Variants in NONO observed in about 807,000 individuals in gnomAD.
The protein encoded by NONO is non-POU domain-containing octamer-binding protein.
Under a neutral mutation model 40.2 loss-of-function variants are expected in NONO, and 6 were observed. That is an observed-to-expected ratio of 0.15 (90% CI 0.08 to 0.29). NONO has a LOEUF of 0.29. Among genes scored for constraint, NONO ranks in the 10% least tolerant of loss-of-function variants. NONO has a pLI of 1.00. For synonymous variants in NONO, 89 were observed against 123.3 expected (o/e 0.72, Z 1.85); for missense variants, 133 against 397.8 (o/e 0.33, Z 5.66).
intron 2 of NONO, among the ~76,000 whole-genome samples, chrX:71,288,319 TCTAA>T (rs1212260446): frequency 9.1e-6 from 1 of 109,829 alleles, no homozygotes; most frequent in African/African-American, 3.3e-5. Flanking sequence ...CAGGCTGGTC[TCTAA>T]CTACTGGGCC....
chrX:71,294,904 G>T (rs1336073380), intron 5 of NONO, among the ~76,000 whole-genome samples: 1 of 105,009 alleles, frequency 9.5e-6, no homozygotes, highest in African/African-American at 3.5e-5. Context: ...GGGCAACAGA[G>T]TGAAACTGCC....
At chrX:71,295,597 C>T (rs1039244761) in intron 5 of NONO, among the ~76,000 whole-genome samples, 53 of 110,099 alleles carry the variant, frequency 4.8e-4, no homozygotes, top group African/African-American at 1.7e-3. Context: ...TTGAGACCAG[C>T]CTGGCCAAGG....
At position 71,296,431 on chromosome X, in the gene NONO, A is replaced by T. The variant is rs1432669944; in HGVS notation, c.651-134A>T. On this transcript the variant is annotated intron_variant, in intron 5 of 11. Coordinates refer to ENST00000276079, the MANE Select transcript of NONO (RefSeq NM_007363.5). Reference sequence around the variant, plus strand: ...CCAGCCCAACCCCAAATTTTTTATAATGTCATTAGGTATAAAAACTTCAGA... The same window carrying T: ...CCAGCCCAACCCCAAATTTTTTATATTGTCATTAGGTATAAAAACTTCAGA... 1.1e-5 allele frequency: 5 copies of T among 451,693 alleles called. No homozygotes were observed. The Admixed American group carries it at 2.4e-4, about 22-fold the overall frequency. 37.2% of individuals were successfully genotyped at this position (451,693 alleles called of 1,213,427 possible).
At chrX:71,284,785 T>C (rs975653359) in intron 2 of NONO, among the ~76,000 whole-genome samples, 3 of 112,057 alleles carry the variant, frequency 2.7e-5, no homozygotes, top group African/African-American at 6.5e-5. Context: ...ATACCAGATT[T>C]AGATTTCAGA....
At chrX:71,284,064 T>C (rs992871877) in intron 1 of NONO, 1 of 111,862 alleles carries the variant, frequency 8.9e-6, no homozygotes, top group African/African-American at 3.3e-5. Context: ...AAGTCGTGGT[T>C]GGTTAGAGGA....
intron 2 of NONO, among the ~76,000 whole-genome samples, chrX:71,288,752 A>T (rs2031257069): frequency 8.9e-6 from 1 of 112,834 alleles, no homozygotes; most frequent in Non-Finnish European, 1.9e-5. Flanking sequence ...TGTAATTAAT[A>T]AATATTTAGA....
chrX:71,293,852 G>A (rs781318644), intron 4 of NONO, among the ~76,000 whole-genome samples: 4 of 110,959 alleles, frequency 3.6e-5, no homozygotes, highest in Non-Finnish European at 7.6e-5. Context: ...GGATGATCTC[G>A]ATCTCCTGAC....
Position 71,297,825 on chromosome X carries a change from ACT to A in NONO, c.1029-6_1029-5del, listed in dbSNP as rs754437773. The A allele has an allele frequency of 1.7e-4, 205 of 1,184,582 alleles. No individual in the cohort carries two copies. Among genetic ancestry groups the A allele is most frequent in the Non-Finnish European group, 2.3e-4 (198 of 873,569 alleles). ...TGCCTCTGTCTTAAATACATTGGTG[ACT>A]CTCTGTAGGCAGGAGGAAGAGCGCA... On this transcript the variant is annotated splice_polypyrimidine_tract_variant and intron_variant, in intron 8 of 11. Coordinates refer to ENST00000276079, the MANE Select transcript of NONO (RefSeq NM_007363.5).
chrX:71,286,583 A>T (rs2148027301), intron 2 of NONO, among the ~76,000 whole-genome samples: 1 of 111,859 alleles, frequency 8.9e-6, no homozygotes, highest in South Asian at 3.7e-4. Context: ...CCTTGTCTAT[A>T]TTCACATCTT....
chrX:71,288,699 TTA>T (rs778649686), intron 2 of NONO, among the ~76,000 whole-genome samples: 2 of 113,201 alleles, frequency 1.8e-5, no homozygotes, highest in South Asian at 7.1e-4. Flanking sequence ...GCCTATCTTT[TTA>T]TGTTTGCTTT....
chrX:71,299,204 C>A (rs1277248890), intron 11 of NONO, among the ~76,000 whole-genome samples: 1 of 112,177 alleles, frequency 8.9e-6, no homozygotes, highest in East Asian at 2.8e-4. Flanking sequence ...TTATTAGAGA[C>A]TGAGTTTGAC....
intron 4 of NONO, among the ~76,000 whole-genome samples, chrX:71,293,693 G>A (rs1420419495): frequency 9.1e-6 from 1 of 110,137 alleles, no homozygotes; most frequent in African/African-American, 3.3e-5. Context: ...GTGCGGTGGC[G>A]TGATCTTGGC....
intron 2 of NONO, among the ~76,000 whole-genome samples, chrX:71,286,096 T>G (rs2031182558): frequency 2.7e-5 from 3 of 112,293 alleles, no homozygotes; most frequent in South Asian, 7.2e-4. Flanking sequence ...TTGGTTTTTC[T>G]AAATTTTCTA....
intron 2 of NONO, among the ~76,000 whole-genome samples, chrX:71,289,527 G>A (rs752947188): frequency 7.2e-5 from 8 of 111,561 alleles, no homozygotes; most frequent in African/African-American, 2.6e-4. Flanking sequence ...TCCTGACCTC[G>A]TGATCTGCCT....
At chrX:71,293,586 A>C (rs1373749075) in intron 4 of NONO, among the ~76,000 whole-genome samples, 3 of 109,646 alleles carry the variant, frequency 2.7e-5, no homozygotes, top group Non-Finnish European at 5.7e-5. Flanking sequence ...CCGTCTCGAA[A>C]AAAAAAACTA....
At chrX:71,292,663 G>A in intron 4 of NONO, 1 of 111,979 alleles carries the variant, frequency 8.9e-6, no homozygotes. Context: ...CAAGAGATGG[G>A]TATCTCACCA....
intron 5 of NONO, 136 bp downstream of exon 5, chrX:71,294,664 T>C (rs1263753583): frequency 1.6e-6 from 1 of 608,659 alleles, no homozygotes; most frequent in African/African-American, 2.3e-5. Flanking sequence ...ACTCCTGTAA[T>C]CCCAGCACTT....
At chrX:71,294,955 C>A (rs1399611950) in intron 5 of NONO, among the ~76,000 whole-genome samples, 1 of 111,371 alleles carries the variant, frequency 9.0e-6, no homozygotes, top group Non-Finnish European at 1.9e-5. Flanking sequence ...CAGCGGCTCA[C>A]GCCTGTAATC....
chrX:71,300,157 G>A lies in NONO; in HGVS notation c.*81G>A, dbSNP rs1005112783. 2.7e-6 allele frequency: 3 copies of A among 1,094,334 alleles called. No individual in the cohort carries two copies. The highest frequency in any genetic ancestry group is 3.8e-6 in the Non-Finnish European group (3 of 796,865). 90.2% of individuals were successfully genotyped at this position (1,094,334 alleles called of 1,213,427 possible). A position where few individuals can be genotyped will look rare whatever the true frequency, so the allele number is the denominator to read the frequency against. ...AGCCAGAATTCTACCCTGGAAAAGT[G>A]TTAGGGATTCCTTCCAATAGTTAGA... On this transcript the variant is annotated 3_prime_UTR_variant, in exon 12 of 12. Transcript: ENST00000276079.
Sources: allele counts gnomAD v4.1 joint callset (sites outside exome capture counted in the v4.1 genomes callset), GRCh38; gene constraint gnomAD v4.1.1; transcripts MANE v1.5; gene names NCBI Gene and HGNC (gene_info 2026-07-23, HGNC 2026-07-21).